GDAP1L1: variants seen among roughly 807,000 people sequenced by gnomAD.
GDAP1L1 encodes ganglioside induced differentiation associated protein 1 like 1, also known as ganglioside-induced differentiation-associated protein 1-like 1.
A neutral mutation model predicts 37.1 loss-of-function variants in GDAP1L1; 21 were observed. The ratio of observed to expected loss-of-function variants is 0.57; its 90% CI spans 0.40 to 0.81. The LOEUF (loss-of-function observed/expected upper bound fraction) is 0.81, where lower values mean the gene tolerates loss of function less well. Ranked by LOEUF, GDAP1L1 falls within the 40% of genes least tolerant of loss-of-function variation. The pLI is 0.00. For synonymous variants in GDAP1L1, 193 were observed against 209.1 expected, an observed-to-expected ratio of 0.92 and a Z score of 0.67; for missense variants, 362 against 491.6, an observed-to-expected ratio of 0.74 and a Z score of 2.49.
At chr20:44,276,180 A>AT (rs2062571046) in intron 5 of GDAP1L1, among the ~76,000 whole-genome samples, 1 of 136,380 alleles carries the variant, frequency 7.3e-6, no homozygotes, top group African/African-American at 2.7e-5. Flanking sequence ...AAAAAAAAAA[A>AT]AAATAATAGC....
chr20:44,279,426 T>C lies in GDAP1L1; in HGVS notation c.*126T>C. 1 of 726,190 alleles carries C rather than the reference T, an allele frequency of 1.4e-6. No individual in the cohort carries two copies. Among genetic ancestry groups the C allele is most frequent in the Non-Finnish European group, 2.5e-6 (1 of 398,880 alleles). The allele number at this position is 726,190 out of a possible 1,614,324, so 45.0% of individuals were successfully genotyped here. A position where few individuals can be genotyped will look rare whatever the true frequency, so the allele number is the denominator to read the frequency against. On this transcript the variant is annotated 3_prime_UTR_variant, in exon 6 of 6. Coordinates refer to ENST00000342560, the MANE Select transcript of GDAP1L1 (RefSeq NM_024034.6). ...CCTCCCCGCCCTTCGTTCTGAGTAA[T>C]AATACCGTCAGTGTGAAAACATTCC...
intron 3 of GDAP1L1, among the ~76,000 whole-genome samples, chr20:44,262,507 A>T (rs1303611430): frequency 6.6e-6 from 1 of 151,906 alleles, no homozygotes; most frequent in Admixed American, 6.6e-5. Context: ...GGTTGGGTCT[A>T]TCGGTTTCTG....
chr20:44,276,402 A>G lies in GDAP1L1; in HGVS notation c.761-2555A>G, dbSNP rs1248672684. On this transcript the variant is annotated intron_variant, in intron 5 of 5. Coordinates refer to ENST00000342560, the MANE Select transcript of GDAP1L1 (RefSeq NM_024034.6). ...AGGAAGGAAAAGAAAAGAAAGGGAA[A>G]GAAAAAAGAAAAAGAAAGAAAGAAA... Among the ~76,000 whole-genome samples the G allele has an allele frequency of 6.9e-4, 91 of 131,278 alleles. 1 individual carries two copies. The highest frequency in any genetic ancestry group is 2.4e-3 in the African/African-American group (83 of 34,802). 86.1% of individuals were successfully genotyped at this position (131,278 alleles called of 152,430 possible).
At chr20:44,253,466 C>CA (rs1426696495) in intron 1 of GDAP1L1, among the ~76,000 whole-genome samples, 1 of 152,206 alleles carries the variant, frequency 6.6e-6, no homozygotes, top group Non-Finnish European at 1.5e-5. Flanking sequence ...TATACAAAGT[C>CA]ACACCGCAAC....
chr20:44,270,032 T>C (rs1429296662), intron 5 of GDAP1L1, among the ~76,000 whole-genome samples: 9 of 152,272 alleles, frequency 5.9e-5, no homozygotes, highest in African/African-American at 9.6e-5. Context: ...AGCCAATACA[T>C]GGTGTTTAAA....
rs568044300 is a variant in GDAP1L1 at position 44,279,880 on chromosome 20, C to T, written c.*580C>T. The T allele has an allele frequency of 2.5e-5, 11 of 431,386 alleles. No individual in the cohort carries two copies. The highest frequency in any genetic ancestry group is 1.1e-4 in the Admixed American group (4 of 35,894). 26.7% of individuals were successfully genotyped at this position (431,386 alleles called of 1,614,324 possible). A position where few individuals can be genotyped will look rare whatever the true frequency, so the allele number is the denominator to read the frequency against. ...GGACTAGCTTGAGCCAAGGCAGTGG[C>T]ACCCAAAAACCAGGCTGCAGTGGGG... On this transcript the variant is annotated 3_prime_UTR_variant, in exon 6 of 6. Transcript: ENST00000342560.
Position 44,247,401 on chromosome 20 carries a change from G to A in GDAP1L1, c.67G>A (p.Asp23Asn). The change falls in exon 1 of 6, where the codon GAT becomes AAT. Residue 23 changes from aspartate to asparagine, a missense_variant. By Grantham distance (23) the Asp-to-Asn change is conservative. This residue lies in a region of GDAP1L1 where 277 missense variants were observed against 337.1 expected (regional missense o/e 0.82). Coordinates refer to ENST00000342560, the MANE Select transcript of GDAP1L1 (RefSeq NM_024034.6). The stretch of plus-strand genomic sequence containing the variant: ...GTGGCCCATCTCCGCGCTGGAGAGC[G>A]ATGCGGCCAAGCCAGCGGAGGCCCC... The part of the protein sequence containing the change: ...SWWPISALES[D>N]AAKPAEAPDA... The A allele has an allele frequency of 6.2e-7, 1 of 1,612,878 alleles. No homozygotes were observed. The highest frequency in any genetic ancestry group is 1.1e-5 in the South Asian group (1 of 91,038).
chr20:44,268,220 T>C (rs141546702), intron 5 of GDAP1L1, among the ~76,000 whole-genome samples: 2 of 152,370 alleles, frequency 1.3e-5, no homozygotes, highest in African/African-American at 4.8e-5. Flanking sequence ...AACCACCTCC[T>C]AGCTCTGTGA....
intron 5 of GDAP1L1, among the ~76,000 whole-genome samples, chr20:44,265,715 G>A (rs1026486326): frequency 8.5e-5 from 13 of 152,130 alleles, no homozygotes; most frequent in Non-Finnish European, 1.9e-4. Context: ...CCCATTACTA[G>A]TTTAATACAT....
chr20:44,258,846 C>T (rs915203983), intron 3 of GDAP1L1, among the ~76,000 whole-genome samples: 6 of 151,948 alleles, frequency 3.9e-5, no homozygotes, highest in African/African-American at 1.5e-4. Flanking sequence ...GCTTGCCATC[C>T]CCTTCACCCC....
At chr20:44,275,941 C>T (rs958596486) in intron 5 of GDAP1L1, among the ~76,000 whole-genome samples, 3 of 152,148 alleles carry the variant, frequency 2.0e-5, no homozygotes, top group Non-Finnish European at 2.9e-5. Context: ...GAGTTATCCT[C>T]TTTTGATTAC....
Position 44,263,290 on chromosome 20 carries a change from T to C in GDAP1L1, c.608T>C (p.Leu203Pro). ...CTGGACCATGAAGAGGAGCCCCAGC[T>C]CTCCGAGCCCTACCTTTCTAAACAA... ...MKLDHEEEPQ[L>P]SEPYLSKQKK... Residue 203 changes from leucine (L) to proline (P), a missense_variant, in exon 4 of 6, where the codon CTC (leucine) becomes CCC (proline). Coordinates refer to ENST00000342560, the MANE Select transcript of GDAP1L1 (RefSeq NM_024034.6). The C allele has an allele frequency of 6.2e-7, 1 of 1,614,020 alleles. No homozygotes were observed. Among genetic ancestry groups the C allele is most frequent in the Non-Finnish European group, 8.5e-7 (1 of 1,179,974 alleles).
intron 5 of GDAP1L1, among the ~76,000 whole-genome samples, chr20:44,276,454 A>AAGAAAGAAAGAAAGAAAG (rs1397475674): frequency 1.9e-4 from 29 of 150,202 alleles, no homozygotes; most frequent in Non-Finnish European, 3.6e-4. Flanking sequence ...GAAAGAAAGA[A>AAGAAAGAAAGAAAGAAAG]AGAAAGAAAG....
chr20:44,268,335 A>C (rs940003495), intron 5 of GDAP1L1, among the ~76,000 whole-genome samples: 3 of 152,222 alleles, frequency 2.0e-5, no homozygotes, highest in African/African-American at 7.2e-5. Flanking sequence ...TTAAGATAGT[A>C]AATGTTGAGT....
intron 5 of GDAP1L1, 61 bp from the exon 6 acceptor site, chr20:44,278,896 A>C: frequency 9.4e-7 from 1 of 1,066,634 alleles, no homozygotes; most frequent in Non-Finnish European, 1.4e-6. Flanking sequence ...GCTCATGGAG[A>C]GAAGCAAGTG....
intron 1 of GDAP1L1, among the ~76,000 whole-genome samples, chr20:44,250,308 T>G (rs930458766): frequency 2.6e-5 from 4 of 152,200 alleles, no homozygotes; most frequent in African/African-American, 9.6e-5. Context: ...CCGTGCAAGC[T>G]GCTTAACCTC....
chr20:44,266,252 G>A (rs1233909091), intron 5 of GDAP1L1, among the ~76,000 whole-genome samples: 2 of 151,912 alleles, frequency 1.3e-5, no homozygotes, highest in African/African-American at 4.8e-5. Flanking sequence ...AGGTTGCAGT[G>A]AACTCAGATT....
chr20:44,278,130 G>C (rs1451673138), intron 5 of GDAP1L1, among the ~76,000 whole-genome samples: 1 of 148,082 alleles, frequency 6.8e-6, no homozygotes, highest in Admixed American at 6.8e-5. Context: ...CTCCAGCCTG[G>C]GCAACAGAGT....
chr20:44,262,161 G>T (rs890993751), intron 3 of GDAP1L1, among the ~76,000 whole-genome samples: 3 of 152,102 alleles, frequency 2.0e-5, no homozygotes, highest in African/African-American at 7.2e-5. Flanking sequence ...TCAAGTGTGT[G>T]AAGAAGATAT....
Sources: gnomAD v4.1 joint callset for allele counts (sites outside exome capture counted in the v4.1 genomes callset) on GRCh38, gnomAD v4.1.1 for gene constraint, gnomAD v4.1.1 regional missense constraint, MANE v1.5 for transcripts, NCBI Gene and HGNC (gene_info 2026-07-23, HGNC 2026-07-21) for gene names.